MT3: variants seen among roughly 807,000 people sequenced by gnomAD.
The protein encoded by MT3 is metallothionein 3.
MT3 carries 8 observed loss-of-function variants against 10.9 expected under a neutral mutation model. The ratio of observed to expected loss-of-function variants is 0.73; its 90% CI spans 0.43 to 1.33. MT3 has a LOEUF of 1.33. Ranked by LOEUF, MT3 falls within the 40% of genes most tolerant of loss-of-function variation. The probability of loss-of-function intolerance (pLI) is 0.01; values close to 1 mark genes in which losing one functional copy is unlikely to be tolerated. For synonymous variants in MT3, 32 were observed against 29.9 expected, an observed-to-expected ratio of 1.07 and a Z score of -0.23; for missense variants, 75 against 83.9, an observed-to-expected ratio of 0.89 and a Z score of 0.41.
chr16:56,589,854 G>A lies in MT3; in HGVS notation c.32-16G>A. The A allele has an allele frequency of 6.2e-7, 1 of 1,614,026 alleles. No homozygotes were observed. ...TTCGTCCACATTAACCCTTCCTGTG[G>A]CGTCGCCCTCTCTAGGTGGCTCCTG... On this transcript the variant is annotated splice_polypyrimidine_tract_variant and intron_variant, in intron 1 of 2. Transcript: ENST00000200691.
chr16:56,590,288 C>T lies in MT3; in HGVS notation c.97+353C>T, dbSNP rs1294182812. On this transcript the variant is annotated intron_variant, in intron 2 of 2. Coordinates refer to ENST00000200691, the MANE Select transcript of MT3 (RefSeq NM_005954.4). ...GCGGCTCAGCTCTGGAGTTCCGGTC[C>T]CTTGGCCTCTCTCCGGCCTTACGGA... 5.5e-5 allele frequency: 33 copies of T among 598,074 alleles called. No homozygotes were observed. The African/African-American group carries it at 5.9e-4, about 11-fold the overall frequency. 37.0% of individuals were successfully genotyped at this position (598,074 alleles called of 1,614,324 possible).
In MT3 at chr16:56,589,930, A is replaced by T; in HGVS notation, c.92A>T (p.Lys31Met). 3 of 1,614,082 alleles carry T rather than the reference A, an allele frequency of 1.9e-6. No homozygotes were observed. The highest frequency in any genetic ancestry group is 2.5e-6 in the Non-Finnish European group (3 of 1,180,030). Residue 31 changes from lysine to methionine, a missense_variant, in exon 2 of 3, where the codon AAG becomes ATG. By Grantham distance (95) the Lys-to-Met change is moderately conservative. Coordinates refer to ENST00000200691, the MANE Select transcript of MT3 (RefSeq NM_005954.4). The part of the protein sequence containing the change: ...KCEGCKCTSC[K>M]KSCCSCCPAE... Reference sequence around the variant, plus strand: ...GAGGGATGCAAATGCACCTCCTGCAAGAAGAGTGAGTGCGGGGACCCTTCC... The same window carrying T: ...GAGGGATGCAAATGCACCTCCTGCATGAAGAGTGAGTGCGGGGACCCTTCC...
In MT3 at chr16:56,590,989, A is replaced by T; in HGVS notation, c.*40A>T. The T allele has an allele frequency of 1.3e-6, 2 of 1,569,086 alleles. No homozygotes were observed. Among genetic ancestry groups the T allele is most frequent in the Non-Finnish European group, 1.7e-6 (2 of 1,147,380 alleles). On this transcript the variant is annotated 3_prime_UTR_variant, in exon 3 of 3. Transcript: ENST00000200691. Reference sequence around the variant, plus strand: ...GTGTGGAGCACGTGGAGATAGTGCCAGGTGGCTCAGTGCCACCTATGCCTG... The same window carrying T: ...GTGTGGAGCACGTGGAGATAGTGCCTGGTGGCTCAGTGCCACCTATGCCTG...
Position 56,589,851 on chromosome 16 carries a change from G to A in MT3, c.32-19G>A, listed in dbSNP as rs1337683552. 2.5e-6 allele frequency: 4 copies of A among 1,613,902 alleles called. No homozygotes were observed. The highest frequency in any genetic ancestry group is 1.1e-5 in the South Asian group (1 of 91,084). Reference sequence around the variant, plus strand: ...GAGTTCGTCCACATTAACCCTTCCTGTGGCGTCGCCCTCTCTAGGTGGCTC... The same window carrying A: ...GAGTTCGTCCACATTAACCCTTCCTATGGCGTCGCCCTCTCTAGGTGGCTC... On this transcript the variant is annotated intron_variant, in intron 1 of 2. Coordinates refer to ENST00000200691, the MANE Select transcript of MT3 (RefSeq NM_005954.4).
At position 56,591,035 on chromosome 16, in the gene MT3, C is replaced by A. The variant is rs1048973; in HGVS notation, c.*86C>A. The A allele has an allele frequency of 2.2e-4, 236 of 1,084,488 alleles. No individual in the cohort carries two copies. In the East Asian group the frequency reaches 5.6e-3, roughly 26 times the overall value. 67.2% of individuals were successfully genotyped at this position (1,084,488 alleles called of 1,614,324 possible). ...GCCTGTGGTGAAGTGTGGCTGGTGT[C>A]CCCTTCCCCTGCTGACCTTGGAGGA... On this transcript the variant is annotated 3_prime_UTR_variant, in exon 3 of 3. Coordinates refer to ENST00000200691, the MANE Select transcript of MT3 (RefSeq NM_005954.4).
intron 2 of MT3, 48 bp from the exon 3 acceptor site, chr16:56,590,792 T>G: frequency 4.5e-6 from 7 of 1,559,750 alleles, no homozygotes; most frequent in South Asian, 1.1e-5. Context: ...TGGGGACGAA[T>G]TGGGGGAGTG....
At chr16:56,590,289 C>A in intron 2 of MT3, 1 of 598,094 alleles carries the variant, frequency 1.7e-6, no homozygotes, top group Non-Finnish European at 3.0e-6. Context: ...GTTCCGGTCC[C>A]TTGGCCTCTC....
At position 56,590,845 on chromosome 16, in the gene MT3, T is replaced by C; in HGVS notation, c.103T>C (p.Cys35Arg). The change falls in exon 3 of 3, where the codon TGC becomes CGC. Residue 35 changes from cysteine to arginine, a missense_variant. By Grantham distance (180) the Cys-to-Arg change is radical. Coordinates refer to ENST00000200691, the MANE Select transcript of MT3 (RefSeq NM_005954.4). ...CKCTSCKKSC[C>R]SCCPAECEKC... ...ATCTTCCATTTTATCTGCAGGCTGC[T>C]GCTCCTGCTGCCCTGCGGAGTGTGA... The C allele has an allele frequency of 6.2e-7, 1 of 1,613,678 alleles. No homozygotes were observed.
chr16:56,589,844 C>G (rs751285744), intron 1 of MT3, 26 bp from the exon 2 acceptor site: 10 of 1,613,382 alleles, frequency 6.2e-6, no homozygotes, highest in Non-Finnish European at 8.5e-6. Flanking sequence ...CCACATTAAC[C>G]CTTCCTGTGG....
chr16:56,590,030 G>A (rs1400903947), intron 2 of MT3, 95 bp downstream of exon 2: 3 of 1,370,094 alleles, frequency 2.2e-6, no homozygotes, highest in Non-Finnish European at 3.1e-6. Flanking sequence ...GCCAGGCCCC[G>A]ATCCCGTGGT....
At chr16:56,589,650 C>T (rs745998968) in intron 1 of MT3, 29 bp downstream of exon 1, 2 of 1,605,256 alleles carry the variant, frequency 1.2e-6, no homozygotes, top group East Asian at 4.5e-5. Flanking sequence ...TCGCATCCTG[C>T]GCACTGCGCG....
intron 1 of MT3, 21 bp downstream of exon 1, chr16:56,589,642 G>A: frequency 6.2e-7 from 1 of 1,604,764 alleles, no homozygotes. Context: ...GCCCCCGCTC[G>A]CATCCTGCGC....
chr16:56,589,820 G>T, intron 1 of MT3, 50 bp from the exon 2 acceptor site: 1 of 1,607,266 alleles, frequency 6.2e-7, no homozygotes, highest in Non-Finnish European at 8.5e-7. Flanking sequence ...ACAGGCGTGG[G>T]GACCCGAGTT....
intron 2 of MT3, chr16:56,590,303 G>C (rs1352886976): frequency 3.4e-6 from 2 of 594,524 alleles, no homozygotes; most frequent in African/African-American, 3.7e-5. Context: ...GCCTCTCTCC[G>C]GCCTTACGGA....
Position 56,589,892 on chromosome 16 carries a change from C to T in MT3, c.54C>T (p.Asp18=), listed in dbSNP as rs748484416. The stretch of plus-strand genomic sequence containing the variant: ...TAGGTGGCTCCTGCACCTGCGCGGA[C>T]TCCTGCAAGTGCGAGGGATGCAAAT... ...CPSGGSCTCA[D]SCKCEGCKCT... Residue 18 remains aspartate, a synonymous_variant, in exon 2 of 3, where the codon GAC becomes GAT. Transcript: ENST00000200691. 2 of 1,614,146 alleles carry T rather than the reference C, an allele frequency of 1.2e-6. No individual in the cohort carries two copies. The highest frequency in any genetic ancestry group is 2.2e-5 in the East Asian group (1 of 44,872).
At chr16:56,590,068 C>G (rs773842939) in intron 2 of MT3, 133 bp downstream of exon 2, 5 of 905,702 alleles carry the variant, frequency 5.5e-6, no homozygotes, top group Non-Finnish European at 8.8e-6. Flanking sequence ...ATAGAACCAC[C>G]CGGGCAGACA....
At chr16:56,590,001 C>A (rs540772165) in intron 2 of MT3, 66 bp downstream of exon 2, 1 of 1,554,204 alleles carries the variant, frequency 6.4e-7, no homozygotes. Flanking sequence ...TGTCTCACCA[C>A]GCAGGATGTG....
chr16:56,589,728 G>A, intron 1 of MT3, 107 bp downstream of exon 1: 1 of 1,587,778 alleles, frequency 6.3e-7, no homozygotes, highest in Non-Finnish European at 8.6e-7. Context: ...AAGGGCCCCT[G>A]ATTCCCTATT....
At chr16:56,590,568 G>T (rs1959810459) in intron 2 of MT3, 1 of 519,736 alleles carries the variant, frequency 1.9e-6, no homozygotes, top group East Asian at 3.4e-5. Flanking sequence ...ACCTAAGCTG[G>T]GCTTAAGCCC....
Sources: gnomAD v4.1 joint callset for allele counts on GRCh38, gnomAD v4.1.1 for gene constraint, MANE v1.5 for transcripts, NCBI Gene and HGNC (gene_info 2026-07-23, HGNC 2026-07-21) for gene names.